Variants in MYOM1 observed in about 807,000 individuals in gnomAD.
MYOM1 encodes myomesin-1.
In MYOM1, 164 loss-of-function variants were observed where a neutral mutation model predicts 205.3. The ratio of observed to expected loss-of-function variants is 0.80; its 90% CI spans 0.70 to 0.91. MYOM1 has a LOEUF of 0.91. Among genes scored for constraint, MYOM1 ranks in the 40% least tolerant of loss-of-function variants. The pLI is 0.00. For synonymous variants in MYOM1, 772 were observed against 789.4 expected (o/e 0.98, Z 0.37); for missense variants, 2,011 against 2,127.3 (o/e 0.95, Z 1.08).
intron 19 of MYOM1, among the ~76,000 whole-genome samples, chr18:3,124,503 G>A (rs943564236): frequency 3.3e-5 from 5 of 151,284 alleles, no homozygotes; most frequent in African/African-American, 1.2e-4. Context: ...TAATTTTTTT[G>A]TATTTTTAGT....
chr18:3,111,471 T>C (rs2079526403), intron 22 of MYOM1, among the ~76,000 whole-genome samples: 1 of 152,152 alleles, frequency 6.6e-6, no homozygotes, highest in South Asian at 2.1e-4. Flanking sequence ...AACCATTCAG[T>C]TGGGACCACT....
Position 3,075,438 on chromosome 18 carries a change from A to G in MYOM1, c.4708+16T>C. The G allele has an allele frequency of 6.2e-7, 1 of 1,609,504 alleles. No homozygotes were observed. Among genetic ancestry groups the G allele is most frequent in the Non-Finnish European group, 8.5e-7 (1 of 1,176,238 alleles). ...CCCAGGAGTACTTGTGAAAAGTAAA[A>G]AAAAAGTTTACTTACTTTTCTCGGC... On this transcript the variant is annotated intron_variant, in intron 36 of 37. Transcript: ENST00000356443.
At chr18:3,103,580 T>C (rs893621045) in intron 22 of MYOM1, among the ~76,000 whole-genome samples, 1 of 152,154 alleles carries the variant, frequency 6.6e-6, no homozygotes, top group African/African-American at 2.4e-5. Context: ...TTCAGTACAT[T>C]AGGAAAAATA....
rs780656014 is a variant in MYOM1 at position 3,176,121 on chromosome 18, C to T, written c.943G>A (p.Val315Met). Reference sequence around the variant, plus strand: ...GGGTTTGCATGGACATTTATTGGCACCTGGTTTTTATACCTATAACAGAAT... The same window carrying T: ...GGGTTTGCATGGACATTTATTGGCATCTGGTTTTTATACCTATAACAGAAT... The part of the protein sequence containing the change: ...EPRVTWYKNQ[V>M]PINVHANPGK... The change falls in exon 6 of 38, where the codon GTG (valine) becomes ATG (methionine). Residue 315 changes from valine to methionine, a missense_variant. Physicochemically the swap from Val to Met is conservative, Grantham distance 21. Coordinates refer to ENST00000356443, the MANE Select transcript of MYOM1 (RefSeq NM_003803.4). 10 of 1,606,412 alleles carry T rather than the reference C, an allele frequency of 6.2e-6. No individual in the cohort carries two copies. The highest frequency in any genetic ancestry group is 1.3e-5 in the African/African-American group (1 of 74,874).
intron 6 of MYOM1, 29 bp from the exon 7 acceptor site, chr18:3,174,237 A>G (rs369020707): frequency 2.5e-6 from 4 of 1,584,084 alleles, no homozygotes; most frequent in Non-Finnish European, 3.5e-6. Flanking sequence ...ATGAATATCC[A>G]TCGTAGTGAC....
rs2079138731 is a variant in MYOM1, at chr18:3,085,245, T to TGC, written c.4252-114_4252-113insGC. ...CTGCTGCTGCTTTTTTTTTTTTTTT[T>TGC]TTTTTTTTTTTTTTTTTTTTTTTTT... On this transcript the variant is annotated intron_variant, in intron 30 of 37. Coordinates refer to ENST00000356443, the MANE Select transcript of MYOM1 (RefSeq NM_003803.4). 1.0e-3 allele frequency: 34 copies of TGC among 32,512 alleles called. No individual in the cohort carries two copies. The South Asian group carries it at 0.027, about 26-fold the overall frequency. The allele number at this position is 32,512 out of a possible 1,614,324, so 2.0% of individuals were successfully genotyped here. A position where few individuals can be genotyped will look rare whatever the true frequency, so the allele number is the denominator to read the frequency against.
At chr18:3,208,726 T>C (rs907556784) in intron 2 of MYOM1, among the ~76,000 whole-genome samples, 1 of 152,122 alleles carries the variant, frequency 6.6e-6, no homozygotes, top group African/African-American at 2.4e-5. Context: ...TTTTCTTATA[T>C]ATAATAATTA....
chr18:3,092,108 T>TCC (rs1567901050), intron 26 of MYOM1, among the ~76,000 whole-genome samples: 3 of 152,168 alleles, frequency 2.0e-5, no homozygotes, highest in Admixed American at 1.3e-4. Flanking sequence ...CATCGCTATC[T>TCC]CCTTGGCATC....
At position 3,175,357 on chromosome 18, in the gene MYOM1, G is replaced by A. The variant is rs530054298; in HGVS notation, c.1022+685C>T. Among the ~76,000 whole-genome samples, 5 of 152,184 alleles carry A rather than the reference G, an allele frequency of 3.3e-5. No individual in the cohort carries two copies. The South Asian group carries it at 1.0e-3, about 32-fold the overall frequency. ...GGTTTTATCTAAACTGAAAATTCTGGGAACTTGTTTAGCTTTTCATTGACC... is the reference window on the plus strand; with the variant it reads ...GGTTTTATCTAAACTGAAAATTCTGAGAACTTGTTTAGCTTTTCATTGACC... On this transcript the variant is annotated intron_variant, in intron 6 of 37. Transcript: ENST00000356443.
At chr18:3,187,165 C>T (rs964846571) in intron 5 of MYOM1, among the ~76,000 whole-genome samples, 16 of 151,992 alleles carry the variant, frequency 1.1e-4, no homozygotes, top group Non-Finnish European at 1.8e-4. Context: ...TTTTATCATC[C>T]GTAAGAGTTA....
At chr18:3,087,300 G>A (rs953904482) in intron 29 of MYOM1, among the ~76,000 whole-genome samples, 2 of 150,166 alleles carry the variant, frequency 1.3e-5, no homozygotes, top group Non-Finnish European at 3.0e-5. Flanking sequence ...AGTTCCTCAG[G>A]GCATGAAGTT....
intron 31 of MYOM1, 132 bp from the exon 32 acceptor site, chr18:3,084,159 C>T: frequency 1.2e-6 from 1 of 847,228 alleles, no homozygotes; most frequent in Non-Finnish European, 1.9e-6. Context: ...TTTGTCGACC[C>T]ACTGATAATG....
intron 21 of MYOM1, among the ~76,000 whole-genome samples, chr18:3,114,544 A>ATTTTTTTTTTTTTTTTTTTTTTTT (rs5822738): frequency 1.1e-5 from 1 of 88,374 alleles, no homozygotes; most frequent in African/African-American, 4.8e-5. Context: ...TGGTCAGCTA[A>ATTTTTTTTTTTTTTTTTTTTTTTT]TTTTTTTTTT....
intron 10 of MYOM1, among the ~76,000 whole-genome samples, chr18:3,159,703 C>G (rs930134480): frequency 6.6e-6 from 1 of 152,070 alleles, no homozygotes; most frequent in African/African-American, 2.4e-5. Context: ...AACCTCAAAA[C>G]ATGTAAAGCC....
intron 5 of MYOM1, among the ~76,000 whole-genome samples, chr18:3,187,139 CT>C (rs1257294723): frequency 6.6e-6 from 1 of 152,100 alleles, no homozygotes; most frequent in Non-Finnish European, 1.5e-5. Flanking sequence ...TTGCTGGAAG[CT>C]GATTTTTACC....
chr18:3,091,198 C>T, intron 26 of MYOM1, among the ~76,000 whole-genome samples: 1 of 152,104 alleles, frequency 6.6e-6, no homozygotes, highest in Admixed American at 6.5e-5. Context: ...CGCCTGTAAT[C>T]CCAGCTACCT....
intron 13 of MYOM1, among the ~76,000 whole-genome samples, chr18:3,147,577 T>C (rs2080148282): frequency 6.6e-6 from 1 of 152,122 alleles, no homozygotes; most frequent in African/African-American, 2.4e-5. Context: ...GATTTGAAGA[T>C]GCTAAAATTT....
intron 13 of MYOM1, among the ~76,000 whole-genome samples, chr18:3,143,794 G>T (rs1162525455): frequency 6.6e-6 from 1 of 151,244 alleles, no homozygotes; most frequent in African/African-American, 2.4e-5. Flanking sequence ...CCAGCTACTT[G>T]GGAGGCTGAG....
upstream of MYOM1, among the ~76,000 whole-genome samples, chr18:3,223,229 A>G (rs12607409): frequency 0.34 from 51,255 of 152,148 alleles, 9,069 homozygotes; most frequent in East Asian, 0.64. Flanking sequence ...ATAATCATGC[A>G]TAAGATAATC....
Sources: gnomAD v4.1 joint callset for allele counts (sites outside exome capture counted in the v4.1 genomes callset) on GRCh38, gnomAD v4.1.1 for gene constraint, MANE v1.5 for transcripts, NCBI Gene and HGNC (gene_info 2026-07-23, HGNC 2026-07-21) for gene names.